Variants in MRTFB observed in about 807,000 individuals in gnomAD.
MRTFB encodes myocardin-related transcription factor B.
Under a neutral mutation model 104.2 loss-of-function variants are expected in MRTFB, and 29 were observed. That is an observed-to-expected ratio of 0.28 (90% CI 0.21 to 0.38). The LOEUF (loss-of-function observed/expected upper bound fraction) is 0.38, where lower values mean the gene tolerates loss of function less well. Among genes scored for constraint, MRTFB ranks in the 10% least tolerant of loss-of-function variants. MRTFB has a pLI of 1.00. For missense variants in MRTFB, 1,270 were observed against 1,341.6 expected, an observed-to-expected ratio of 0.95 and a Z score of 0.83; for synonymous variants, 535 against 519.5, an observed-to-expected ratio of 1.03 and a Z score of -0.41.
chr16:14,118,142 CT>C (rs200411394), intron 2 of MRTFB, among the ~76,000 whole-genome samples: 4 of 109,686 alleles, frequency 3.6e-5, no homozygotes, highest in Non-Finnish European at 3.9e-5. Flanking sequence ...TTTTCTTTTT[CT>C]TTTTTTTTTG....
intron 2 of MRTFB, among the ~76,000 whole-genome samples, chr16:14,134,581 T>C (rs1235537902): frequency 1.3e-5 from 2 of 152,234 alleles, no homozygotes; most frequent in Non-Finnish European, 2.9e-5. Context: ...AGAGCAGGGA[T>C]CATGATTGGT....
chr16:13,997,694 G>A, the MRTFB span, among the ~76,000 whole-genome samples: 1 of 148,710 alleles, frequency 6.7e-6, no homozygotes, highest in African/African-American at 2.5e-5. Context: ...TTGGAAGGCT[G>A]AGATAGGGGG....
chr16:14,017,056 CTTTT>C, the MRTFB span, among the ~76,000 whole-genome samples: 1 of 125,442 alleles, frequency 8.0e-6, no homozygotes, highest in Non-Finnish European at 1.6e-5. Flanking sequence ...CAGTCTTCTT[CTTTT>C]TTTTTTTTTT....
At chr16:14,029,203 A>G in the MRTFB span, among the ~76,000 whole-genome samples, 2 of 151,720 alleles carry the variant, frequency 1.3e-5, no homozygotes, top group East Asian at 3.9e-4. Context: ...TGGGAGGCTC[A>G]GGATCCCTCC....
At chr16:14,235,975 G>A (rs1377573429) in intron 9 of MRTFB, among the ~76,000 whole-genome samples, 2 of 152,186 alleles carry the variant, frequency 1.3e-5, no homozygotes, top group Admixed American at 1.3e-4. Flanking sequence ...GAGCTCAGGA[G>A]TTTGAGCCAG....
intron 2 of MRTFB, among the ~76,000 whole-genome samples, chr16:14,083,817 T>C (rs2034546633): frequency 6.6e-6 from 1 of 152,174 alleles, no homozygotes; most frequent in Non-Finnish European, 1.5e-5. Context: ...CTGGGACGAG[T>C]ACTGGAGAGT....
intron 3 of MRTFB, among the ~76,000 whole-genome samples, chr16:14,187,579 T>C (rs992388914): frequency 5.2e-5 from 8 of 152,398 alleles, no homozygotes; most frequent in African/African-American, 1.9e-4. Context: ...TAGCTTGATT[T>C]TGTTTTGTAA....
chr16:14,261,210 C>A lies in MRTFB; in HGVS notation c.3066C>A (p.His1022Gln), dbSNP rs1467089355. The A allele has an allele frequency of 1.2e-6, 2 of 1,614,220 alleles. No homozygotes were observed. Among genetic ancestry groups the A allele is most frequent in the Admixed American group, 3.3e-5 (2 of 60,028 alleles). Residue 1022 changes from histidine to glutamine, a missense_variant, in exon 17 of 17, where the codon CAC (histidine) becomes CAA (glutamine). Coordinates refer to ENST00000571589, the MANE Select transcript of MRTFB (RefSeq NM_001308142.2). ...ACCTCCAGAATGATCTGCTGAGTCA[C>A]TCAGGTATGCTGGACCATTCACACT... Reference protein sequence around the residue: ...IEDLQNDLLSHSGMLDHSHSP... With the variant: ...IEDLQNDLLSQSGMLDHSHSP...
the MRTFB span, among the ~76,000 whole-genome samples, chr16:14,010,311 A>G: frequency 1.3e-5 from 2 of 152,066 alleles, no homozygotes; most frequent in African/African-American, 4.8e-5. Flanking sequence ...TAGACTTGCT[A>G]TGATATGATT....
the MRTFB span, among the ~76,000 whole-genome samples, chr16:14,034,045 C>G: frequency 6.6e-6 from 1 of 152,128 alleles, no homozygotes; most frequent in South Asian, 2.1e-4. Context: ...CCGCTCCCGC[C>G]CTTCTCCCAG....
In MRTFB at chr16:14,261,141, A is replaced by G. The variant is rs895147256; in HGVS notation, c.2997A>G (p.Leu999=). The G allele has an allele frequency of 3.1e-6, 5 of 1,614,196 alleles. No homozygotes were observed. Among genetic ancestry groups the G allele is most frequent in the Non-Finnish European group, 3.4e-6 (4 of 1,180,038 alleles). The change falls in exon 17 of 17, where the codon CTA becomes CTG. Residue 999 remains leucine, a synonymous_variant. Transcript: ENST00000571589. ...TLPSANEIPP[L]QSSSEDREPF... ...CCTCAGCCAATGAAATTCCTCCACTACAAAGCAGCAGTGAAGACAGAGAGC... is the reference window on the plus strand; with the variant it reads ...CCTCAGCCAATGAAATTCCTCCACTGCAAAGCAGCAGTGAAGACAGAGAGC...
At chr16:14,070,194 CT>C (rs531903522), upstream of MRTFB, among the ~76,000 whole-genome samples, 2 of 152,300 alleles carry the variant, frequency 1.3e-5, no homozygotes, top group South Asian at 4.1e-4. Flanking sequence ...TGCTCGCTTG[CT>C]TGCAGAACAG....
intron 11 of MRTFB, among the ~76,000 whole-genome samples, chr16:14,246,116 A>T (rs970318249): frequency 8.5e-5 from 13 of 152,180 alleles, no homozygotes; most frequent in Non-Finnish European, 2.9e-5. Context: ...CGGACACCTC[A>T]TGGGGTCGTG....
At chr16:14,066,993 T>G (rs765285669), upstream of MRTFB, among the ~76,000 whole-genome samples, 9 of 151,908 alleles carry the variant, frequency 5.9e-5, no homozygotes, top group Non-Finnish European at 1.2e-4. Flanking sequence ...TTTGTTTGTT[T>G]GTTGTTTTCA....
intron 3 of MRTFB, chr16:14,153,330 A>G (rs756089589): frequency 3.3e-5 from 5 of 152,206 alleles, no homozygotes; most frequent in Non-Finnish European, 7.4e-5. Flanking sequence ...CTTTTCTAGT[A>G]TGTTTTCTAA....
chr16:14,124,454 A>G (rs2037007141), intron 2 of MRTFB, among the ~76,000 whole-genome samples: 1 of 152,182 alleles, frequency 6.6e-6, no homozygotes, highest in Non-Finnish European at 1.5e-5. Flanking sequence ...TACCTAGTTT[A>G]TTGAGAGTTT....
At chr16:14,094,945 C>G (rs935767034) in intron 2 of MRTFB, among the ~76,000 whole-genome samples, 2 of 152,192 alleles carry the variant, frequency 1.3e-5, no homozygotes, top group Non-Finnish European at 2.9e-5. Context: ...ATGATAAACA[C>G]TGACATTTCC....
At chr16:14,126,780 A>G (rs1195200413) in intron 2 of MRTFB, among the ~76,000 whole-genome samples, 1 of 152,144 alleles carries the variant, frequency 6.6e-6, no homozygotes, top group African/African-American at 2.4e-5. Flanking sequence ...AAAAAATTTC[A>G]CAGCTGGAAT....
At chr16:14,164,512 G>C (rs981530413) in intron 3 of MRTFB, among the ~76,000 whole-genome samples, 2 of 152,110 alleles carry the variant, frequency 1.3e-5, no homozygotes, top group African/African-American at 4.8e-5. Context: ...TCATCTGATG[G>C]ACACTTAATT....
Sources: gnomAD v4.1 joint callset for allele counts (sites outside exome capture counted in the v4.1 genomes callset) on GRCh38, gnomAD v4.1.1 for gene constraint, MANE v1.5 for transcripts, NCBI Gene and HGNC (gene_info 2026-07-23, HGNC 2026-07-21) for gene names.